The following TNS3 variants were observed in gnomAD, a reference collection of about 807,000 sequenced individuals.
The protein encoded by TNS3 is tensin-3.
In TNS3, 45 loss-of-function variants were observed where a neutral mutation model predicts 140.9. The observed-to-expected ratio is 0.32, with a 90% CI of 0.25 to 0.41. The LOEUF (loss-of-function observed/expected upper bound fraction) is 0.41, where lower values mean the gene tolerates loss of function less well. TNS3 is among the 10% of genes least tolerant of loss of function. TNS3 has a pLI of 1.00. For missense variants in TNS3, 1,716 were observed against 1,906.7 expected (o/e 0.90, Z 1.86); for synonymous variants, 815 against 788.4 (o/e 1.03, Z -0.56).
At chr7:47,581,515 C>G (rs529755666) in intron 1 of TNS3, 1 of 152,404 alleles carries the variant, frequency 6.6e-6, no homozygotes, top group East Asian at 1.9e-4. Flanking sequence ...CCTGGAGTCT[C>G]GAGACGGAGT....
intron 4 of TNS3, among the ~76,000 whole-genome samples, chr7:47,462,395 G>A (rs1796526596): frequency 6.6e-6 from 1 of 152,128 alleles, no homozygotes; most frequent in African/African-American, 2.4e-5. Context: ...CTTTCAAACA[G>A]GCATAAGCCA....
intron 2 of TNS3, among the ~76,000 whole-genome samples, chr7:47,522,123 G>A (rs958285583): frequency 3.3e-5 from 5 of 152,198 alleles, no homozygotes; most frequent in African/African-American, 1.2e-4. Context: ...AGCAGGGATG[G>A]GATGCCCGCC....
intron 3 of TNS3, among the ~76,000 whole-genome samples, chr7:47,484,637 T>C (rs900805712): frequency 6.6e-6 from 1 of 152,196 alleles, no homozygotes; most frequent in African/African-American, 2.4e-5. Flanking sequence ...AGAAGCACAG[T>C]GCTTCCGTGC....
At chr7:47,409,819 A>T (rs139408834) in intron 13 of TNS3, among the ~76,000 whole-genome samples, 1 of 151,996 alleles carries the variant, frequency 6.6e-6, no homozygotes. Context: ...CACCTTGCCC[A>T]GCTTATTTTT....
At chr7:47,446,014 G>A (rs1293556343) in intron 4 of TNS3, among the ~76,000 whole-genome samples, 1 of 150,778 alleles carries the variant, frequency 6.6e-6, no homozygotes, top group Non-Finnish European at 1.5e-5. Flanking sequence ...TGAGAAACCC[G>A]AAATCCTAAC....
intron 20 of TNS3, among the ~76,000 whole-genome samples, chr7:47,324,714 T>C (rs1401661039): frequency 6.6e-6 from 1 of 152,206 alleles, no homozygotes; most frequent in Non-Finnish European, 1.5e-5. Context: ...ATCATGCCAC[T>C]GCACTCTGGC....
intron 3 of TNS3, among the ~76,000 whole-genome samples, chr7:47,500,762 G>A (rs547539263): frequency 6.6e-6 from 1 of 152,214 alleles, no homozygotes; most frequent in Admixed American, 6.5e-5. Context: ...GCAGGGCCAG[G>A]GATTTTCCTT....
rs756259787 is a variant in TNS3 at position 47,369,221 on chromosome 7, T to C, written c.1425A>G (p.Thr475=). 2 of 1,614,070 alleles carry C rather than the reference T, an allele frequency of 1.2e-6. No individual in the cohort carries two copies. Among genetic ancestry groups the C allele is most frequent in the Admixed American group, 3.3e-5 (2 of 60,008 alleles). ...GGGGCATCTCGTCATCCAGAATGTC[T>C]GTCTCCCGATCCTTCAGAGCAGCGT... The part of the protein sequence containing the change: ...NGDAALKDRE[T]DILDDEMPHH... The change falls in exon 17 of 31, where the codon ACA becomes ACG. Residue 475 remains threonine, a synonymous_variant. Transcript: ENST00000311160.
intron 24 of TNS3, 137 bp downstream of exon 24, chr7:47,296,945 T>C: frequency 3.5e-6 from 4 of 1,137,966 alleles, no homozygotes; most frequent in Non-Finnish European, 3.7e-6. Context: ...TTGTAAAATA[T>C]ACCTGAAAAA....
intron 4 of TNS3, among the ~76,000 whole-genome samples, chr7:47,461,463 A>C (rs1796486668): frequency 6.6e-6 from 1 of 152,156 alleles, no homozygotes; most frequent in African/African-American, 2.4e-5. Context: ...TGAGGGGCTC[A>C]GTCAGCCAAG....
intron 16 of TNS3, among the ~76,000 whole-genome samples, chr7:47,370,361 G>T (rs1790989187): frequency 6.6e-6 from 1 of 152,214 alleles, no homozygotes; most frequent in Admixed American, 6.5e-5. Flanking sequence ...TGCAGGAATT[G>T]ATTTGGGTCT....
At chr7:47,494,148 C>G (rs1294093119) in intron 3 of TNS3, among the ~76,000 whole-genome samples, 1 of 152,238 alleles carries the variant, frequency 6.6e-6, no homozygotes, top group Non-Finnish European at 1.5e-5. Context: ...CAGTGGCATT[C>G]CTCTCTGCCC....
chr7:47,298,725 C>T (rs766874359), intron 23 of TNS3, among the ~76,000 whole-genome samples: 1 of 152,266 alleles, frequency 6.6e-6, no homozygotes, highest in Non-Finnish European at 1.5e-5. Flanking sequence ...ACAGAGGCCC[C>T]TCACATGCCC....
Position 47,560,042 on chromosome 7 carries a change from G to A in TNS3, c.-265+22009C>T, listed in dbSNP as rs527667220. Among the ~76,000 whole-genome samples the A allele has an allele frequency of 8.5e-5, 13 of 152,228 alleles. 1 individual carries two copies. In the South Asian group the frequency reaches 2.7e-3, roughly 32 times the overall value. On this transcript the variant is annotated intron_variant, in intron 1 of 30. Coordinates refer to ENST00000311160, the MANE Select transcript of TNS3 (RefSeq NM_022748.12). ...CCGCAGGACTGCAAGAGCCGGCCGC[G>A]GGTCTCCCTTTGCAGCCCACCTCAA...
At chr7:47,465,784 C>T (rs956482442) in intron 4 of TNS3, among the ~76,000 whole-genome samples, 3 of 151,786 alleles carry the variant, frequency 2.0e-5, no homozygotes, top group Non-Finnish European at 4.4e-5. Flanking sequence ...ATTAGCCGGG[C>T]GTGGTGGTGG....
intron 27 of TNS3, 119 bp from the exon 28 acceptor site, chr7:47,283,984 C>T: frequency 1.1e-6 from 1 of 950,234 alleles, no homozygotes; most frequent in Non-Finnish European, 1.5e-6. Context: ...CGCATGTGGC[C>T]TATGCTGGGT....
At chr7:47,425,360 C>T (rs553203506) in intron 9 of TNS3, among the ~76,000 whole-genome samples, 2 of 151,956 alleles carry the variant, frequency 1.3e-5, no homozygotes, top group Non-Finnish European at 2.9e-5. Flanking sequence ...AAAGTGGGCC[C>T]GTTACTTAGA....
chr7:47,560,525 C>T (rs1396406946), intron 1 of TNS3, among the ~76,000 whole-genome samples: 3 of 152,188 alleles, frequency 2.0e-5, no homozygotes, highest in Non-Finnish European at 2.9e-5. Context: ...ACTTCTCACC[C>T]GGTGGCATTC....
chr7:47,575,019 T>C (rs997628601), intron 1 of TNS3, among the ~76,000 whole-genome samples: 1 of 152,180 alleles, frequency 6.6e-6, no homozygotes, highest in Non-Finnish European at 1.5e-5. Context: ...AAGTTCATGT[T>C]ATGCATGTTT....
Sources: gnomAD v4.1 joint callset for allele counts (sites outside exome capture counted in the v4.1 genomes callset) on GRCh38, gnomAD v4.1.1 for gene constraint, MANE v1.5 for transcripts, NCBI Gene and HGNC (gene_info 2026-07-23, HGNC 2026-07-21) for gene names.